The following STAU1 variants were observed in gnomAD, a reference collection of about 807,000 sequenced individuals.
STAU1 encodes the protein double-stranded RNA-binding protein Staufen homolog 1.
In STAU1, 13 loss-of-function variants were observed where a neutral mutation model predicts 62.9. The ratio of observed to expected loss-of-function variants is 0.21; its 90% CI spans 0.13 to 0.33. The LOEUF is 0.33. Among genes scored for constraint, STAU1 ranks in the 10% least tolerant of loss-of-function variants. The pLI, the probability that STAU1 is intolerant of heterozygous loss-of-function variation, is 1.00. For synonymous variants in STAU1, 269 were observed against 265.1 expected (o/e 1.01, Z -0.14); for missense variants, 571 against 712.1 (o/e 0.80, Z 2.25).
At chr20:49,206,283 C>T in the STAU1 span, among the ~76,000 whole-genome samples, 9 of 151,788 alleles carry the variant, frequency 5.9e-5, no homozygotes, top group African/African-American at 1.2e-4. Flanking sequence ...CGTGAGCCAC[C>T]GCACCCGGCC....
the STAU1 span, among the ~76,000 whole-genome samples, chr20:49,206,753 T>TATATATATATATA: frequency 1.1e-5 from 1 of 92,858 alleles, no homozygotes; most frequent in East Asian, 4.2e-4. Context: ...ATATATATAT[T>TATATATATATATA]TTATTTTATT....
At chr20:49,202,746 A>G in the STAU1 span, among the ~76,000 whole-genome samples, 9 of 151,248 alleles carry the variant, frequency 6.0e-5, no homozygotes, top group African/African-American at 2.0e-4. Flanking sequence ...AAAGAAGAAG[A>G]AGGAGAAGGA....
the STAU1 span, among the ~76,000 whole-genome samples, chr20:49,203,335 A>C: frequency 6.6e-6 from 1 of 152,176 alleles, no homozygotes; most frequent in African/African-American, 2.4e-5. Flanking sequence ...TAAGGCAGGA[A>C]GATCGCTTGA....
chr20:49,215,695 A>G, the STAU1 span, among the ~76,000 whole-genome samples: 51 of 152,274 alleles, frequency 3.3e-4, 1 homozygote, highest in African/African-American at 1.2e-3. Flanking sequence ...TGAGTCTCCG[A>G]GAATAAAATC....
At chr20:49,133,016 T>C (rs1222908071) in intron 6 of STAU1, among the ~76,000 whole-genome samples, 5 of 152,268 alleles carry the variant, frequency 3.3e-5, no homozygotes, top group East Asian at 1.9e-4. Context: ...AAAAAATTCC[T>C]GATATTTGAG....
intron 4 of STAU1, among the ~76,000 whole-genome samples, chr20:49,153,470 C>G (rs1456877858): frequency 6.6e-6 from 1 of 150,874 alleles, no homozygotes; most frequent in African/African-American, 2.4e-5. Context: ...CTTTGGGAGG[C>G]CAAGGTGGGC....
chr20:49,160,213 A>ATG (rs2093427294), intron 3 of STAU1, among the ~76,000 whole-genome samples: 1 of 152,334 alleles, frequency 6.6e-6, no homozygotes, highest in East Asian at 1.9e-4. Flanking sequence ...TCAAACCTAG[A>ATG]TGTGTCTGAC....
intron 3 of STAU1, 30 bp downstream of exon 3, chr20:49,165,967 A>G (rs374807403): frequency 2.5e-5 from 41 of 1,608,366 alleles, no homozygotes; most frequent in Non-Finnish European, 2.0e-5. Context: ...AAACATTTGA[A>G]ATAGAAGACA....
intron 3 of STAU1, among the ~76,000 whole-genome samples, chr20:49,155,316 G>A (rs938318844): frequency 6.6e-6 from 1 of 152,168 alleles, no homozygotes; most frequent in Non-Finnish European, 1.5e-5. Context: ...CTACGAAAAT[G>A]AGTTCCATTT....
At chr20:49,195,934 A>AC in the STAU1 span, among the ~76,000 whole-genome samples, 1 of 147,778 alleles carries the variant, frequency 6.8e-6, no homozygotes, top group South Asian at 2.1e-4. Flanking sequence ...AGAAAAAAAA[A>AC]AAACAAAGAA....
intron 5 of STAU1, among the ~76,000 whole-genome samples, chr20:49,143,604 A>C (rs1372826765): frequency 1.3e-5 from 2 of 152,160 alleles, no homozygotes; most frequent in Non-Finnish European, 2.9e-5. Context: ...AAACAAAACA[A>C]AACAACAGAA....
upstream of STAU1, among the ~76,000 whole-genome samples, chr20:49,191,292 G>T (rs931810621): frequency 1.2e-4 from 18 of 152,184 alleles, no homozygotes; most frequent in African/African-American, 4.1e-4. Context: ...CTCCCAAGGT[G>T]CTGGGATTAC....
At chr20:49,189,243 C>T (rs552032366), upstream of STAU1, among the ~76,000 whole-genome samples, 90 of 120,082 alleles carry the variant, frequency 7.5e-4, no homozygotes, top group African/African-American at 2.6e-3. Flanking sequence ...AAAAAAAAGA[C>T]GAGAAGTGCC....
chr20:49,181,763 CAACAAAAAAAAAAA>C (rs1201411749), intron 1 of STAU1, among the ~76,000 whole-genome samples: 13 of 66,708 alleles, frequency 1.9e-4, no homozygotes, highest in East Asian at 1.0e-3. Context: ...AAGACTATCT[CAACAAAAAAAAAAA>C]AAAAAAAAAA....
upstream of STAU1, among the ~76,000 whole-genome samples, chr20:49,188,966 C>T (rs1234539931): frequency 1.3e-5 from 2 of 151,860 alleles, no homozygotes; most frequent in Non-Finnish European, 2.9e-5. Flanking sequence ...TTTGGGAGGC[C>T]GAGGCGGGCG....
intron 5 of STAU1, among the ~76,000 whole-genome samples, chr20:49,139,261 G>A (rs2092956140): frequency 6.6e-6 from 1 of 152,166 alleles, no homozygotes; most frequent in South Asian, 2.1e-4. Context: ...AAACATTCAT[G>A]CATCAAAGGA....
intron 1 of STAU1, among the ~76,000 whole-genome samples, chr20:49,185,775 T>C (rs2093778711): frequency 6.6e-6 from 1 of 152,184 alleles, no homozygotes; most frequent in Non-Finnish European, 1.5e-5. Context: ...TTTTAAAAAA[T>C]GGTATTTAAA....
chr20:49,175,908 C>A (rs1982245457), intron 1 of STAU1, among the ~76,000 whole-genome samples: 1 of 151,058 alleles, frequency 6.6e-6, no homozygotes, highest in African/African-American at 2.4e-5. Flanking sequence ...CATTCTCCTG[C>A]CTCAGCCTCC....
At chr20:49,139,119 G>C (rs1300564759) in intron 5 of STAU1, among the ~76,000 whole-genome samples, 2 of 152,138 alleles carry the variant, frequency 1.3e-5, no homozygotes, top group African/African-American at 4.8e-5. Flanking sequence ...AAACATAAGA[G>C]CTAAAACAGT....
Sources: gnomAD v4.1 joint callset for allele counts (sites outside exome capture counted in the v4.1 genomes callset) on GRCh38, gnomAD v4.1.1 for gene constraint, MANE v1.5 for transcripts, NCBI Gene and HGNC (gene_info 2026-07-23, HGNC 2026-07-21) for gene names.